OR9Q1: variants seen among roughly 807,000 people sequenced by gnomAD.
The protein encoded by OR9Q1 is olfactory receptor family 9 subfamily Q member 1, also known as olfactory receptor 9Q1.
For missense variants in OR9Q1, 374 were observed against 378.8 expected (o/e 0.99, Z 0.11); for synonymous variants, 153 against 148.6 (o/e 1.03, Z -0.22).
chr11:58,130,641 A>C (rs547668079), intron 2 of OR9Q1, among the ~76,000 whole-genome samples: 3 of 152,174 alleles, frequency 2.0e-5, no homozygotes, highest in Admixed American at 2.0e-4. Flanking sequence ...AAAAATTACC[A>C]AAAAGTAAAA....
chr11:58,035,157 C>A (rs1158136199), intron 1 of OR9Q1, among the ~76,000 whole-genome samples: 1 of 152,138 alleles, frequency 6.6e-6, no homozygotes, highest in Non-Finnish European at 1.5e-5. Context: ...CTTCCTCTCA[C>A]CTCTTTGGTG....
intron 2 of OR9Q1, among the ~76,000 whole-genome samples, 178 bp downstream of exon 2, chr11:58,056,125 C>T (rs73476456): frequency 6.6e-6 from 1 of 152,288 alleles, no homozygotes; most frequent in African/African-American, 2.4e-5. Flanking sequence ...TAACAACTGG[C>T]TCTCTAAGAA....
At chr11:58,111,228 T>G (rs959202191) in intron 2 of OR9Q1, among the ~76,000 whole-genome samples, 1 of 152,188 alleles carries the variant, frequency 6.6e-6, no homozygotes, top group Non-Finnish European at 1.5e-5. Context: ...TTTAGCCTAA[T>G]GGAGGTGGGT....
rs184832721 is a variant in OR9Q1, at chr11:58,093,339, T to C, written c.-15+37392T>C. On this transcript the variant is annotated intron_variant, in intron 2 of 2. Transcript: ENST00000335397. ...AACAACAACAAAAATACCAAATAATTCCATTAAAAAGTGGGCTAAAAGCCT... is the reference window on the plus strand; with the variant it reads ...AACAACAACAAAAATACCAAATAATCCCATTAAAAAGTGGGCTAAAAGCCT... Among the ~76,000 whole-genome samples, 55 of 152,060 alleles carry C rather than the reference T, an allele frequency of 3.6e-4. No homozygotes were observed. The East Asian group carries it at 8.7e-3, about 24-fold the overall frequency.
chr11:58,115,728 C>A (rs1017367390), intron 2 of OR9Q1, among the ~76,000 whole-genome samples: 2 of 152,082 alleles, frequency 1.3e-5, no homozygotes, highest in Non-Finnish European at 2.9e-5. Flanking sequence ...TGGGGGTCTG[C>A]ATATCTGTTT....
chr11:58,082,988 C>G (rs1853603896), intron 2 of OR9Q1, among the ~76,000 whole-genome samples: 1 of 145,092 alleles, frequency 6.9e-6, no homozygotes, highest in Admixed American at 6.9e-5. Flanking sequence ...ATGATAGTTT[C>G]TTTTGCTATG....
intron 2 of OR9Q1, among the ~76,000 whole-genome samples, chr11:58,093,450 C>A (rs1853702110): frequency 1.3e-5 from 2 of 152,008 alleles, no homozygotes; most frequent in African/African-American, 2.4e-5. Context: ...CAGAGAAATG[C>A]AAATTAAAAC....
intron 2 of OR9Q1, among the ~76,000 whole-genome samples, chr11:58,080,073 A>G (rs1349159435): frequency 3.3e-5 from 5 of 152,180 alleles, no homozygotes; most frequent in Non-Finnish European, 5.9e-5. Flanking sequence ...CAGGCTTGTT[A>G]CATGGGTATA....
intron 2 of OR9Q1, among the ~76,000 whole-genome samples, chr11:58,086,330 TAGAAA>T (rs1590580552): frequency 6.6e-6 from 1 of 151,864 alleles, no homozygotes; most frequent in Non-Finnish European, 1.5e-5. Context: ...TCGCACCTGT[TAGAAA>T]AGATATTAAA....
chr11:58,080,409 T>A (rs1374298991), intron 2 of OR9Q1, among the ~76,000 whole-genome samples: 3 of 152,176 alleles, frequency 2.0e-5, no homozygotes, highest in African/African-American at 7.2e-5. Flanking sequence ...GCACCCACAT[T>A]GATTTCCTGT....
At chr11:58,128,451 G>A (rs774075726) in intron 2 of OR9Q1, among the ~76,000 whole-genome samples, 35 of 152,156 alleles carry the variant, frequency 2.3e-4, no homozygotes, top group Non-Finnish European at 4.3e-4. Context: ...GTGGTATTTT[G>A]CATTAGTGGA....
intron 1 of OR9Q1, among the ~76,000 whole-genome samples, chr11:58,036,450 T>C (rs548657454): frequency 6.6e-6 from 1 of 152,328 alleles, no homozygotes; most frequent in South Asian, 2.1e-4. Flanking sequence ...GTACAAGTAG[T>C]TTTTGATTTC....
intron 2 of OR9Q1, among the ~76,000 whole-genome samples, chr11:58,152,532 C>A (rs954970477): frequency 1.3e-5 from 2 of 152,114 alleles, no homozygotes; most frequent in Non-Finnish European, 2.9e-5. Context: ...CATTTGTTTG[C>A]ATCATTTATA....
At chr11:58,136,599 A>G (rs1042015196) in intron 2 of OR9Q1, among the ~76,000 whole-genome samples, 1 of 152,210 alleles carries the variant, frequency 6.6e-6, no homozygotes, top group Non-Finnish European at 1.5e-5. Context: ...CAAATCATTC[A>G]TAACCAGTCT....
At chr11:58,064,840 G>C (rs1049965524) in intron 2 of OR9Q1, among the ~76,000 whole-genome samples, 4 of 152,064 alleles carry the variant, frequency 2.6e-5, no homozygotes, top group Non-Finnish European at 4.4e-5. Flanking sequence ...GCAAAGGAGA[G>C]GTGGGACTGA....
intron 2 of OR9Q1, among the ~76,000 whole-genome samples, chr11:58,174,289 C>T (rs1196285285): frequency 1.3e-5 from 2 of 152,004 alleles, no homozygotes; most frequent in African/African-American, 4.8e-5. Context: ...GCTTGCTGAC[C>T]CAAATATGAA....
chr11:58,037,208 T>C (rs1853108298), intron 1 of OR9Q1, among the ~76,000 whole-genome samples: 6 of 152,246 alleles, frequency 3.9e-5, no homozygotes, highest in Admixed American at 3.9e-4. Flanking sequence ...TTAGCATTTT[T>C]TTTAGCAATA....
intron 1 of OR9Q1, among the ~76,000 whole-genome samples, chr11:58,034,746 C>CCTTCCTTCCTTT (rs1218756407): frequency 1.3e-4 from 17 of 134,538 alleles, no homozygotes; most frequent in African/African-American, 4.7e-4. Context: ...TTCCTTCCTT[C>CCTTCCTTCCTTT]CTTCCTTCCT....
At chr11:58,047,698 C>A (rs1853231770) in intron 1 of OR9Q1, among the ~76,000 whole-genome samples, 1 of 130,646 alleles carries the variant, frequency 7.7e-6, no homozygotes, top group African/African-American at 2.9e-5. Flanking sequence ...ATGGTGAAAC[C>A]TCATCTCTAC....
Sources: allele counts gnomAD v4.1 joint callset (sites outside exome capture counted in the v4.1 genomes callset), GRCh38; gene constraint gnomAD v4.1.1; transcripts MANE v1.5; gene names NCBI Gene and HGNC (gene_info 2026-07-23, HGNC 2026-07-21).